Variants in ZNF787 observed in about 807,000 individuals in gnomAD.
The protein encoded by ZNF787 is zinc finger protein 787.
Under a neutral mutation model 16.9 loss-of-function variants are expected in ZNF787, and 7 were observed. The ratio of observed to expected loss-of-function variants is 0.42; its 90% CI spans 0.24 to 0.78. The LOEUF (loss-of-function observed/expected upper bound fraction) is 0.78. Ranked by LOEUF, ZNF787 falls within the 30% of genes least tolerant of loss-of-function variation. The probability of loss-of-function intolerance (pLI) is 0.30; values close to 1 mark genes in which losing one functional copy is unlikely to be tolerated. For missense variants in ZNF787, 551 were observed against 589.3 expected, an observed-to-expected ratio of 0.94 and a Z score of 0.67; for synonymous variants, 345 against 270.9, an observed-to-expected ratio of 1.27 and a Z score of -2.69.
chr19:56,103,394 C>G (rs1986180785), intron 1 of ZNF787, 167 bp from the exon 2 acceptor site: 2 of 560,332 alleles, frequency 3.6e-6, no homozygotes, highest in Non-Finnish European at 6.0e-6. Context: ...TGGAGCTAGC[C>G]TGGCCGCTCC....
chr19:56,113,963 G>C (rs906187427), intron 1 of ZNF787, among the ~76,000 whole-genome samples: 1 of 152,132 alleles, frequency 6.6e-6, no homozygotes, highest in African/African-American at 2.4e-5. Flanking sequence ...CCGAGTAGCT[G>C]GGACTACAAG....
chr19:56,106,429 C>A (rs1395496565), intron 1 of ZNF787, among the ~76,000 whole-genome samples: 1 of 152,260 alleles, frequency 6.6e-6, no homozygotes, highest in Non-Finnish European at 1.5e-5. Flanking sequence ...TGGACGTTCG[C>A]GTTCATCTCT....
At chr19:56,115,254 C>T (rs928302668) in intron 1 of ZNF787, among the ~76,000 whole-genome samples, 1 of 152,056 alleles carries the variant, frequency 6.6e-6, no homozygotes, top group Non-Finnish European at 1.5e-5. Flanking sequence ...ACAGCCTGCA[C>T]GTCCCTCTGG....
chr19:56,111,119 T>C (rs1459189527), intron 1 of ZNF787, among the ~76,000 whole-genome samples: 1 of 152,230 alleles, frequency 6.6e-6, no homozygotes, highest in Non-Finnish European at 1.5e-5. Flanking sequence ...ATGTTTACTA[T>C]GTGGCCCACT....
In ZNF787 at chr19:56,114,334, C is replaced by T. The variant is rs144978992; in HGVS notation, c.-11+6838G>A. The stretch of plus-strand genomic sequence containing the variant: ...GGCCTGGTCTTTCTCTCTGAGGGGC[C>T]GGGCTCAGTCCTCCACTTGCCCCGG... On this transcript the variant is annotated intron_variant, in intron 1 of 2. Transcript: ENST00000610935. 2.0e-3 allele frequency among the ~76,000 whole-genome samples: 308 copies of T among 151,650 alleles called. 1 individual carries two copies. Among genetic ancestry groups the T allele is most frequent in the African/African-American group, 6.9e-3 (284 of 41,280 alleles).
chr19:56,101,361 G>A (rs777002390), intron 2 of ZNF787, among the ~76,000 whole-genome samples: 3 of 152,284 alleles, frequency 2.0e-5, no homozygotes, highest in Non-Finnish European at 4.4e-5. Context: ...GGCGCCAAGC[G>A]CAGGCCCTCC....
At position 56,103,221 on chromosome 19, in the gene ZNF787, T is replaced by C. The variant is rs1986173521; in HGVS notation, c.-4A>G. 6.5e-7 allele frequency: 1 copy of C among 1,550,274 alleles called. No individual in the cohort carries two copies. The highest frequency in any genetic ancestry group is 1.9e-5 in the Admixed American group (1 of 51,586). On this transcript the variant is annotated 5_prime_UTR_variant, in exon 2 of 3. Coordinates refer to ENST00000610935, the MANE Select transcript of ZNF787 (RefSeq NM_001002836.4). ...AGGCTTCTTCCCGCAGCTCCATGTC[T>C]GGGTCCCTGTTAGAAGGGGATGAGA...
At chr19:56,120,268 G>A (rs969763054) in intron 1 of ZNF787, among the ~76,000 whole-genome samples, 2 of 152,150 alleles carry the variant, frequency 1.3e-5, no homozygotes, top group Non-Finnish European at 2.9e-5. Context: ...ACTTTTCTGT[G>A]CGACTCTGCA....
In ZNF787 at chr19:56,087,918, GTCCATC is replaced by G. The variant is rs1985362506; in HGVS notation, c.*99_*104del. The G allele has an allele frequency of 1.6e-6, 2 of 1,280,536 alleles. No homozygotes were observed. The highest frequency in any genetic ancestry group is 2.0e-6 in the Non-Finnish European group (2 of 1,014,188). The allele number at this position is 1,280,536 out of a possible 1,614,324, so 79.3% of individuals were successfully genotyped here. On this transcript the variant is annotated 3_prime_UTR_variant, in exon 3 of 3. Transcript: ENST00000610935. Reference sequence around the variant, plus strand: ...GGCGGGGAGCCGGGGATGCCGCGGGGTCCATCGCACCCCGTCCGCTTCTCCCTGGGT... The same window carrying G: ...GGCGGGGAGCCGGGGATGCCGCGGGGGCACCCCGTCCGCTTCTCCCTGGGT...
At chr19:56,118,265 G>A (rs376535395) in intron 1 of ZNF787, among the ~76,000 whole-genome samples, 35 of 152,270 alleles carry the variant, frequency 2.3e-4, no homozygotes, top group African/African-American at 4.6e-4. Context: ...CTCAACTTCC[G>A]AGCCACTTGT....
rs200892720 is a variant in ZNF787 at position 56,088,066 on chromosome 19, G to C, written c.1106C>G (p.Ala369Gly). The C allele has an allele frequency of 3.8e-3, 4,710 of 1,226,332 alleles. 51 individuals carry two copies. Among genetic ancestry groups the C allele is most frequent in the African/African-American group, 0.036 (1,862 of 51,620 alleles). The allele number at this position is 1,226,332 out of a possible 1,614,324, so 76.0% of individuals were successfully genotyped here. A position where few individuals can be genotyped will look rare whatever the true frequency, so the allele number is the denominator to read the frequency against. ...GCGGCACTCGGGGCACCGCCCGCCC[G>C]CGGCCTCGTCGTCGTCGTCCTCCTC... ...GEEEDDDDEA[A>G]GGRCPECRGG... is the part of the protein sequence containing the mutation. Residue 369 changes from alanine (A) to glycine (G), a missense_variant, in exon 3 of 3, where the codon GCG (alanine) becomes GGG (glycine). Physicochemically the swap from Ala to Gly is moderately conservative, Grantham distance 60. This residue lies in a region of ZNF787 where 392 missense variants were observed against 312.7 expected (regional missense o/e 1.25). Transcript: ENST00000610935. The surrounding 1 kb of genome is among the most constrained non-coding windows in gnomAD (Gnocchi z 8.6).
intron 1 of ZNF787, among the ~76,000 whole-genome samples, chr19:56,117,664 T>G (rs1363627103): frequency 1.3e-5 from 2 of 152,260 alleles, no homozygotes; most frequent in African/African-American, 2.4e-5. Context: ...AGGATGGTCC[T>G]GTGTCCCGCA....
At position 56,102,543 on chromosome 19, in the gene ZNF787, C is replaced by T. The variant is rs757986624; in HGVS notation, c.79+596G>A. 4 of 308,526 alleles carry T rather than the reference C, an allele frequency of 1.3e-5. No individual in the cohort carries two copies. In the South Asian group the frequency reaches 2.3e-4, roughly 17 times the overall value. 19.1% of individuals were successfully genotyped at this position (308,526 alleles called of 1,614,324 possible). ...AGCCCACAAATGAGTTTTGCTCAACCCCAATAATGCTTTATTAAACAAACA... is the reference window on the plus strand; with the variant it reads ...AGCCCACAAATGAGTTTTGCTCAACTCCAATAATGCTTTATTAAACAAACA... On this transcript the variant is annotated intron_variant, in intron 2 of 2. Transcript: ENST00000610935.
At chr19:56,112,140 G>A (rs552856586) in intron 1 of ZNF787, among the ~76,000 whole-genome samples, 2 of 152,162 alleles carry the variant, frequency 1.3e-5, no homozygotes, top group Non-Finnish European at 2.9e-5. Flanking sequence ...GGCACCAGGA[G>A]CTGCGGGGGC....
At position 56,088,699 on chromosome 19, in the gene ZNF787, C is replaced by T. The variant is rs939774879; in HGVS notation, c.473G>A (p.Ser158Asn). 6.2e-7 allele frequency: 1 copy of T among 1,601,734 alleles called. No homozygotes were observed. The highest frequency in any genetic ancestry group is 1.3e-5 in the African/African-American group (1 of 74,504). ...GGCCAGGCTCTTGCTCTGAGTGAAG[C>T]TGCGGCCGCAGTCGGGGCAGGTGTA... ...KPYTCPDCGR[S>N]FTQSKSLAKH... Residue 158 changes from serine (S) to asparagine (N), a missense_variant, in exon 3 of 3, where the codon AGC (serine) becomes AAC (asparagine). This residue lies in a region of ZNF787 where 40 missense variants were observed against 60.7 expected (regional missense o/e 0.66). Coordinates refer to ENST00000610935, the MANE Select transcript of ZNF787 (RefSeq NM_001002836.4). This position sits in a 1 kb window ranked among gnomAD's most constrained non-coding sequence, Gnocchi z 8.6.
At chr19:56,115,616 C>G (rs890452005) in intron 1 of ZNF787, among the ~76,000 whole-genome samples, 1 of 152,122 alleles carries the variant, frequency 6.6e-6, no homozygotes, top group Non-Finnish European at 1.5e-5. Context: ...CACCTGGACT[C>G]GCGCAGCAGC....
chr19:56,090,389 A>C (rs1453120907), intron 2 of ZNF787, among the ~76,000 whole-genome samples: 1 of 152,168 alleles, frequency 6.6e-6, no homozygotes, highest in Non-Finnish European at 1.5e-5. Flanking sequence ...GGTCCAAGAA[A>C]CAGCCATCTA....
At chr19:56,092,401 C>T (rs547447782) in intron 2 of ZNF787, among the ~76,000 whole-genome samples, 1 of 152,188 alleles carries the variant, frequency 6.6e-6, no homozygotes, top group African/African-American at 2.4e-5. Context: ...TCCTCCACTC[C>T]AGATCCCCTA....
chr19:56,102,454 T>G (rs1307283836), intron 2 of ZNF787: 1 of 164,848 alleles, frequency 6.1e-6, no homozygotes. Flanking sequence ...AGGGAGGCCA[T>G]GAGGTGTCAG....
Sources: allele counts gnomAD v4.1 joint callset (sites outside exome capture counted in the v4.1 genomes callset), GRCh38; gene constraint gnomAD v4.1.1; regional missense constraint gnomAD v4.1.1; non-coding constraint Gnocchi (gnomAD v3.1); transcripts MANE v1.5; gene names NCBI Gene and HGNC (gene_info 2026-07-23, HGNC 2026-07-21).